Variants in MTR observed in about 807,000 individuals in gnomAD.
MTR encodes methionine synthase.
In MTR, 84 loss-of-function variants were observed where a neutral mutation model predicts 154.8. That is an observed-to-expected ratio of 0.54 (90% CI 0.45 to 0.65). The LOEUF is 0.65. Ranked by LOEUF, MTR falls within the 30% of genes least tolerant of loss-of-function variation. The pLI, the probability that MTR is intolerant of heterozygous loss-of-function variation, is 0.00. For synonymous variants in MTR, 554 were observed against 553.9 expected, an observed-to-expected ratio of 1.00 and a Z score of 0.00; for missense variants, 1,275 against 1,570.2, an observed-to-expected ratio of 0.81 and a Z score of 3.18.
chr1:236,820,355 C>G, intron 8 of MTR: 1 of 763,728 alleles, frequency 1.3e-6, no homozygotes, highest in Non-Finnish European at 2.4e-6. Flanking sequence ...TTCACTGCTA[C>G]TCGGCCTGAG....
intron 1 of MTR, among the ~76,000 whole-genome samples, chr1:236,799,715 C>G (rs887177058): frequency 1.3e-5 from 2 of 151,766 alleles, no homozygotes; most frequent in African/African-American, 4.8e-5. Context: ...TCCCCCAACC[C>G]ATCGTCTATT....
At chr1:236,846,389 AGAAT>A (rs764577694) in intron 15 of MTR, among the ~76,000 whole-genome samples, 1 of 113,514 alleles carries the variant, frequency 8.8e-6, no homozygotes, top group Non-Finnish European at 2.2e-5. Flanking sequence ...ACATAATAGC[AGAAT>A]AGTCTATATT....
intron 15 of MTR, among the ~76,000 whole-genome samples, chr1:236,846,040 G>A (rs1342484155): frequency 1.3e-5 from 2 of 152,246 alleles, no homozygotes; most frequent in Non-Finnish European, 2.9e-5. Flanking sequence ...TTTGGTTAAT[G>A]TCTGTGATCC....
intron 1 of MTR, among the ~76,000 whole-genome samples, chr1:236,798,295 T>C (rs1660513924): frequency 6.6e-6 from 1 of 152,252 alleles, no homozygotes; most frequent in Non-Finnish European, 1.5e-5. Flanking sequence ...ATAACTTACA[T>C]GCACATATTA....
At chr1:236,832,523 A>G (rs548337089) in intron 13 of MTR, among the ~76,000 whole-genome samples, 13 of 152,352 alleles carry the variant, frequency 8.5e-5, no homozygotes, top group Admixed American at 1.3e-4. Flanking sequence ...ATAAACAAAC[A>G]AAAGAAATAG....
intron 6 of MTR, 64 bp from the exon 7 acceptor site, chr1:236,815,540 G>T: frequency 6.6e-7 from 1 of 1,516,250 alleles, no homozygotes; most frequent in South Asian, 1.1e-5. Flanking sequence ...TTCTAATCAG[G>T]AAGTTAGACT....
At chr1:236,803,306 G>A in intron 1 of MTR, 122 bp from the exon 2 acceptor site, 1 of 966,396 alleles carries the variant, frequency 1.0e-6, no homozygotes, top group Non-Finnish European at 1.6e-6. Flanking sequence ...AGTTATGAGT[G>A]CATCTTTTAT....
chr1:236,884,769 A>C (rs1230846141), intron 25 of MTR, among the ~76,000 whole-genome samples: 1 of 152,098 alleles, frequency 6.6e-6, no homozygotes, highest in Non-Finnish European at 1.5e-5. Context: ...AAACATAAGC[A>C]TGAGCGAAGG....
At chr1:236,861,103 T>TTTTTTTTTTTG in intron 19 of MTR, 22 bp from the exon 20 acceptor site, 1 of 1,500,050 alleles carries the variant, frequency 6.7e-7, no homozygotes, top group Non-Finnish European at 8.8e-7. Context: ...TTTTCTTTTT[T>TTTTTTTTTTTG]TTTTTTTTTT....
chr1:236,803,692 C>G, intron 2 of MTR, 50 bp downstream of exon 2: 1 of 1,558,376 alleles, frequency 6.4e-7, no homozygotes, highest in Non-Finnish European at 8.8e-7. Context: ...ATTCTGCAAG[C>G]TGTTTCATGT....
chr1:236,809,724 G>GATAGTCCTCTCCAGTTAAATTACA (rs539164573), intron 4 of MTR, among the ~76,000 whole-genome samples: 24 of 152,304 alleles, frequency 1.6e-4, no homozygotes, highest in African/African-American at 5.5e-4. Flanking sequence ...TCAATTAGCT[G>GATAGTCCTCTCCAGTTAAATTACA]ATAGTCCTCT....
chr1:236,885,356 G>T, intron 26 of MTR, 137 bp downstream of exon 26: 1 of 685,224 alleles, frequency 1.5e-6, no homozygotes, highest in Admixed American at 2.2e-5. Context: ...CTGTCTTCTA[G>T]TTCAAATCAG....
intron 24 of MTR, among the ~76,000 whole-genome samples, chr1:236,878,985 A>G (rs1665581414): frequency 6.6e-6 from 1 of 152,194 alleles, no homozygotes. Context: ...GCTTCCGTTT[A>G]CAAGTGGACA....
intron 4 of MTR, among the ~76,000 whole-genome samples, chr1:236,809,254 T>C (rs1265609747): frequency 2.0e-5 from 3 of 152,228 alleles, no homozygotes; most frequent in African/African-American, 7.2e-5. Flanking sequence ...TTGATGTCCT[T>C]GAAGGCTCTG....
At chr1:236,857,021 T>G (rs1456198775) in intron 18 of MTR, among the ~76,000 whole-genome samples, 1 of 152,230 alleles carries the variant, frequency 6.6e-6, no homozygotes, top group East Asian at 1.9e-4. Context: ...GTAGAATGAT[T>G]TATAATCCTT....
chr1:236,874,708 T>TTAA lies in MTR; in HGVS notation c.2474-18_2474-17insTAA. Reference sequence around the variant, plus strand: ...ACTGTCCTTTTTGTCCTTTTTTTTTTAAAAAAAAAAAAAATAGATATAATT... The same window carrying TTAA: ...ACTGTCCTTTTTGTCCTTTTTTTTTTTAAAAAAAAAAAAAAAATAGATATAATT... On this transcript the variant is annotated splice_polypyrimidine_tract_variant and intron_variant, in intron 23 of 32. Transcript: ENST00000366577. 2.5e-6 allele frequency: 3 copies of TTAA among 1,223,466 alleles called. No homozygotes were observed. The highest frequency in any genetic ancestry group is 1.8e-5 in the South Asian group (1 of 56,688). 75.8% of individuals were successfully genotyped at this position (1,223,466 alleles called of 1,614,324 possible).
rs535768698 is a variant in MTR, at chr1:236,890,693, C to A, written c.3008-440C>A. Among the ~76,000 whole-genome samples the A allele has an allele frequency of 2.0e-5, 3 of 152,110 alleles. No homozygotes were observed. The South Asian group carries it at 6.2e-4, about 32-fold the overall frequency. ...GTTACGGTCAAAATGTCAATCGTTA[C>A]GAATTATATTGTAGTTGGGATTAAA... On this transcript the variant is annotated intron_variant, in intron 28 of 32. Coordinates refer to ENST00000366577, the MANE Select transcript of MTR (RefSeq NM_000254.3).
chr1:236,835,664 G>A lies in MTR; in HGVS notation c.1306G>A (p.Ala436Thr), dbSNP rs1396559785. Reference protein sequence around the residue: ...SAMTRFCNLIASEPDIAKVPL... With the variant: ...SAMTRFCNLITSEPDIAKVPL... The stretch of plus-strand genomic sequence containing the variant: ...AATGACCAGATTTTGCAACTTAATT[G>A]CTTCCGAGCCAGACATCGCAAAGGT... Residue 436 changes from alanine (A) to threonine (T), a missense_variant, in exon 14 of 33, where the codon GCT (alanine) becomes ACT (threonine). Ala to Thr is a moderately conservative substitution (Grantham distance 58, BLOSUM62 0). Coordinates refer to ENST00000366577, the MANE Select transcript of MTR (RefSeq NM_000254.3). 2 of 1,611,852 alleles carry A rather than the reference G, an allele frequency of 1.2e-6. No individual in the cohort carries two copies. Among genetic ancestry groups the A allele is most frequent in the Admixed American group, 1.7e-5 (1 of 59,636 alleles).
chr1:236,825,160 G>GTTTTTTTTTTTTTTTT (rs1338214598), intron 9 of MTR, among the ~76,000 whole-genome samples, 178 bp from the exon 10 acceptor site: 4 of 62,236 alleles, frequency 6.4e-5, no homozygotes, highest in Admixed American at 1.6e-4. Flanking sequence ...TTTTTTTTTA[G>GTTTTTTTTTTTTTTTT]TTTTTTGGGG....
Sources: gnomAD v4.1 joint callset for allele counts (sites outside exome capture counted in the v4.1 genomes callset) on GRCh38, gnomAD v4.1.1 for gene constraint, MANE v1.5 for transcripts, NCBI Gene and HGNC (gene_info 2026-07-23, HGNC 2026-07-21) for gene names.